Variants in LRRN1 observed in about 807,000 individuals in gnomAD.
LRRN1 encodes the protein leucine rich repeat neuronal 1, also known as leucine-rich repeat neuronal protein 1.
A neutral mutation model predicts 45.8 loss-of-function variants in LRRN1; 14 were observed. That is an observed-to-expected ratio of 0.31 (90% CI 0.20 to 0.48). The LOEUF (loss-of-function observed/expected upper bound fraction) is 0.48, where lower values mean the gene tolerates loss of function less well. Ranked by LOEUF, LRRN1 falls within the 20% of genes least tolerant of loss-of-function variation. The pLI, the probability that LRRN1 is intolerant of heterozygous loss-of-function variation, is 0.99. For missense variants in LRRN1, 789 were observed against 874.2 expected (o/e 0.90, Z 1.23); for synonymous variants, 359 against 330.1 (o/e 1.09, Z -0.95).
In LRRN1 at chr3:3,846,230, A is replaced by G. The variant is rs1236551469; in HGVS notation, c.1589A>G (p.Tyr530Cys). The change falls in exon 2 of 2, where the codon TAC becomes TGC. Residue 530 changes from tyrosine to cysteine, a missense_variant. Tyr to Cys is a radical substitution (Grantham distance 194). Transcript: ENST00000319331. This position sits in a 1 kb window ranked among gnomAD's most constrained non-coding sequence, Gnocchi z 5.7. Reference protein sequence around the residue: ...LLDGTQVLKIYVKQTESHSIL... With the variant: ...LLDGTQVLKICVKQTESHSIL... ...GATGGTACCCAGGTGCTAAAAATAT[A>G]CGTCAAGCAGACAGAATCCCATTCC... 1 of 1,614,112 alleles carries G rather than the reference A, an allele frequency of 6.2e-7. No homozygotes were observed. Among genetic ancestry groups the G allele is most frequent in the East Asian group, 2.2e-5 (1 of 44,888 alleles).
rs2106473205 is a variant in LRRN1 at position 3,846,314 on chromosome 3, C to T, written c.1673C>T (p.Ser558Phe). 3 of 1,613,974 alleles carry T rather than the reference C, an allele frequency of 1.9e-6. No homozygotes were observed. The Middle Eastern group carries it at 4.9e-4, about 266-fold the overall frequency. ...ATGACGTCAAACTTAAAATGGTCGT[C>T]TGCCACCATGAAGATTGATAACCCT... Reference protein sequence around the residue: ...NVMTSNLKWSSATMKIDNPHI... With the variant: ...NVMTSNLKWSFATMKIDNPHI... The change falls in exon 2 of 2, where the codon TCT (serine) becomes TTT (phenylalanine). Residue 558 changes from serine to phenylalanine, a missense_variant. By Grantham distance (155) the Ser-to-Phe change is radical. Transcript: ENST00000319331. This position sits in a 1 kb window ranked among gnomAD's most constrained non-coding sequence, Gnocchi z 5.7.
intron 1 of LRRN1, among the ~76,000 whole-genome samples, chr3:3,830,765 G>C (rs1323974967): frequency 6.6e-6 from 1 of 152,188 alleles, no homozygotes; most frequent in Non-Finnish European, 1.5e-5. Flanking sequence ...ATGCTGCTGT[G>C]CATGACCCAC....
chr3:3,846,243 A>G lies in LRRN1; in HGVS notation c.1602A>G (p.Thr534=). 1 of 1,614,136 alleles carries G rather than the reference A, an allele frequency of 6.2e-7. No homozygotes were observed. The highest frequency in any genetic ancestry group is 8.5e-7 in the Non-Finnish European group (1 of 1,180,026). ...TGCTAAAAATATACGTCAAGCAGAC[A>G]GAATCCCATTCCATCTTAGTGTCCT... is the stretch of plus-strand genomic sequence containing the variant. ...TQVLKIYVKQ[T]ESHSILVSWK... is the part of the protein sequence containing the mutation. The change falls in exon 2 of 2, where the codon ACA becomes ACG. Residue 534 remains threonine, a synonymous_variant. Transcript: ENST00000319331. This position sits in a 1 kb window ranked among gnomAD's most constrained non-coding sequence, Gnocchi z 5.7.
chr3:3,845,997 G>A lies in LRRN1; in HGVS notation c.1356G>A (p.Glu452=). 1 of 1,613,944 alleles carries A rather than the reference G, an allele frequency of 6.2e-7. No individual in the cohort carries two copies. The highest frequency in any genetic ancestry group is 8.5e-7 in the Non-Finnish European group (1 of 1,179,830). ...TCCTAGACTGTCGAGCCATGGCTGA[G>A]CCAGAACCTGAAATTTACTGGGTCA... is the stretch of plus-strand genomic sequence containing the variant. The part of the protein sequence containing the change: ...TVFLDCRAMA[E]PEPEIYWVTP... Residue 452 remains glutamate (E), a synonymous_variant, in exon 2 of 2, where the codon GAG becomes GAA. Coordinates refer to ENST00000319331, the MANE Select transcript of LRRN1 (RefSeq NM_020873.7). The surrounding 1 kb of genome is among the most constrained non-coding windows in gnomAD (Gnocchi z 6.5).
chr3:3,808,168 G>A (rs1480718587), intron 1 of LRRN1, among the ~76,000 whole-genome samples: 7 of 152,076 alleles, frequency 4.6e-5, no homozygotes, highest in South Asian at 2.1e-4. Context: ...TTTAGTGATC[G>A]AGAGGAAAAT....
chr3:3,829,099 A>T (rs1693305306), intron 1 of LRRN1, among the ~76,000 whole-genome samples: 1 of 151,154 alleles, frequency 6.6e-6, no homozygotes, highest in Non-Finnish European at 1.5e-5. Flanking sequence ...CATTGACCTT[A>T]ATCACAGGAC....
Position 3,808,244 on chromosome 3 carries a change from T to C in LRRN1, c.-279+8325T>C, listed in dbSNP as rs559424564. 2.2e-4 allele frequency among the ~76,000 whole-genome samples: 33 copies of C among 152,262 alleles called. No individual in the cohort carries two copies. In the South Asian group the frequency reaches 6.8e-3, roughly 32 times the overall value. ...TTTTTCCTAACGTAGCATACAGTAG[T>C]AGCAGTAGAATAATGATACTCTACA... On this transcript the variant is annotated intron_variant, in intron 1 of 1. Transcript: ENST00000319331.
chr3:3,826,768 T>A (rs879626204), intron 1 of LRRN1, among the ~76,000 whole-genome samples: 3 of 152,122 alleles, frequency 2.0e-5, no homozygotes, highest in Admixed American at 2.0e-4. Flanking sequence ...AAGGGTCAGG[T>A]GCCAGAAAAA....
chr3:3,810,905 A>C (rs991095177), intron 1 of LRRN1, among the ~76,000 whole-genome samples: 1 of 152,132 alleles, frequency 6.6e-6, no homozygotes, highest in Non-Finnish European at 1.5e-5. Context: ...ATTTTCTTTG[A>C]ATTCTTTGTG....
At chr3:3,815,298 C>A (rs1007040273) in intron 1 of LRRN1, among the ~76,000 whole-genome samples, 3 of 152,118 alleles carry the variant, frequency 2.0e-5, no homozygotes, top group Non-Finnish European at 4.4e-5. Flanking sequence ...TCTCTGAACT[C>A]AGATTTGGAA....
intron 1 of LRRN1, among the ~76,000 whole-genome samples, chr3:3,841,770 A>G (rs1046313605): frequency 6.6e-6 from 1 of 152,168 alleles, no homozygotes; most frequent in African/African-American, 2.4e-5. Context: ...GCCCCCTGCC[A>G]GCCTCCCACA....
At chr3:3,834,722 G>A (rs1168549876) in intron 1 of LRRN1, among the ~76,000 whole-genome samples, 9 of 151,026 alleles carry the variant, frequency 6.0e-5, no homozygotes, top group African/African-American at 2.2e-4. Flanking sequence ...TAAAACTGAA[G>A]AACTTGGAGT....
chr3:3,829,843 G>T (rs531405001), intron 1 of LRRN1, among the ~76,000 whole-genome samples: 28 of 152,324 alleles, frequency 1.8e-4, no homozygotes, highest in African/African-American at 6.5e-4. Context: ...CATATCTGGA[G>T]TAAGTGTCTA....
At chr3:3,818,829 C>T (rs1366004492) in intron 1 of LRRN1, among the ~76,000 whole-genome samples, 2 of 152,124 alleles carry the variant, frequency 1.3e-5, no homozygotes, top group African/African-American at 4.8e-5. Context: ...GTAGGATATA[C>T]AGGCAACAGT....
intron 1 of LRRN1, among the ~76,000 whole-genome samples, chr3:3,802,235 A>C (rs1199222993): frequency 6.6e-6 from 1 of 152,214 alleles, no homozygotes; most frequent in Non-Finnish European, 1.5e-5. Context: ...ACCACACTGC[A>C]CTGTTCACCT....
At chr3:3,804,504 T>A (rs1443501690) in intron 1 of LRRN1, among the ~76,000 whole-genome samples, 1 of 152,244 alleles carries the variant, frequency 6.6e-6, no homozygotes, top group Non-Finnish European at 1.5e-5. Context: ...CCTCTAAAGA[T>A]GCTGCTGTAT....
At chr3:3,800,307 C>G (rs1220871251) in intron 1 of LRRN1, among the ~76,000 whole-genome samples, 1 of 151,776 alleles carries the variant, frequency 6.6e-6, no homozygotes, top group Non-Finnish European at 1.5e-5. Flanking sequence ...GGGATGTGAA[C>G]CGGGGAAGGC....
intron 1 of LRRN1, among the ~76,000 whole-genome samples, chr3:3,825,578 C>G (rs1231945647): frequency 1.3e-5 from 2 of 152,068 alleles, no homozygotes; most frequent in Admixed American, 6.6e-5. Context: ...AGTAAAACCA[C>G]CCCAGAAATT....
chr3:3,843,392 G>A (rs949804987), intron 1 of LRRN1, among the ~76,000 whole-genome samples: 1 of 152,154 alleles, frequency 6.6e-6, no homozygotes, highest in Non-Finnish European at 1.5e-5. Flanking sequence ...ATCTGATGTG[G>A]CTATTCAAAT....
Sources: allele counts gnomAD v4.1 joint callset (sites outside exome capture counted in the v4.1 genomes callset), GRCh38; gene constraint gnomAD v4.1.1; non-coding constraint Gnocchi (gnomAD v3.1); transcripts MANE v1.5; gene names NCBI Gene and HGNC (gene_info 2026-07-23, HGNC 2026-07-21).